The following RTBDN variants were observed in gnomAD, a reference collection of about 807,000 sequenced individuals.
The protein encoded by RTBDN is retbindin.
Under a neutral mutation model 21.9 loss-of-function variants are expected in RTBDN, and 24 were observed. The ratio of observed to expected loss-of-function variants is 1.10; its 90% CI spans 0.79 to 1.54. The LOEUF is 1.54. Ranked by LOEUF, RTBDN falls within the 40% of genes most tolerant of loss-of-function variation. RTBDN has a pLI of 0.00. For missense variants in RTBDN, 325 were observed against 315.2 expected (o/e 1.03, Z -0.23); for synonymous variants, 141 against 125.9 (o/e 1.12, Z -0.80).
intron 2 of RTBDN, 91 bp from the exon 3 acceptor site, chr19:12,829,044 A>C (rs10423639): frequency 0.048 from 74,171 of 1,561,068 alleles, 2,208 homozygotes; most frequent in African/African-American, 0.12. Flanking sequence ...CAGGGGAGAC[A>C]ACAATTACAT....
In RTBDN at chr19:12,826,823, T is replaced by G; in HGVS notation, c.414A>C (p.Pro138=). ...GCTCACAGCCCCTTTTTTCTGAGAG[T>G]GGGAGCCAAGTCGGGCCGCAGGTGA... ...DDITCGPTWL[P]LSEKRGCEPS... is the part of the protein sequence containing the mutation. The change falls in exon 5 of 6, where the codon CCA becomes CCC. Residue 138 remains proline, a synonymous_variant. Coordinates refer to ENST00000674343, the MANE Select transcript of RTBDN (RefSeq NM_001270441.2). 1 of 1,555,342 alleles carries G rather than the reference T, an allele frequency of 6.4e-7. No individual in the cohort carries two copies. The highest frequency in any genetic ancestry group is 2.0e-4 in the Middle Eastern group (1 of 5,110).
intron 4 of RTBDN, 54 bp from the exon 5 acceptor site, chr19:12,826,925 C>T (rs10407849): frequency 4.7e-6 from 6 of 1,265,010 alleles, no homozygotes; most frequent in African/African-American, 4.5e-5. Flanking sequence ...CATTCCAGCG[C>T]GATTCTGGCT....
intron 4 of RTBDN, 69 bp downstream of exon 4, chr19:12,828,588 C>G (rs1486577785): frequency 2.4e-6 from 3 of 1,248,156 alleles, no homozygotes; most frequent in African/African-American, 3.0e-5. Flanking sequence ...GAAGGCCAAG[C>G]AAACTGCAGG....
chr19:12,828,093 CA>C (rs61021695), intron 4 of RTBDN, among the ~76,000 whole-genome samples: 132 of 125,156 alleles, frequency 1.1e-3, no homozygotes, highest in Admixed American at 1.2e-3. Context: ...AACTCCATCT[CA>C]AAAAAAAAAA....
At chr19:12,833,837 A>T (rs919066058) in intron 1 of RTBDN, 1 of 94,666 alleles carries the variant, frequency 1.1e-5, no homozygotes, top group Non-Finnish European at 2.1e-5. Flanking sequence ...CGCCCCCGCC[A>T]CCCCTCCCCT....
Position 12,830,078 on chromosome 19 carries a change from G to T in RTBDN, c.-18-81C>A. 1.4e-6 allele frequency: 2 copies of T among 1,476,942 alleles called. No individual in the cohort carries two copies. The highest frequency in any genetic ancestry group is 1.3e-5 in the South Asian group (1 of 78,406). 91.5% of individuals were successfully genotyped at this position (1,476,942 alleles called of 1,614,324 possible). ...CCACCCAGTGCATACCCAAGAAGCA[G>T]TGCCAGGCAGAGTAGGGAAAGTGCA... is the stretch of plus-strand genomic sequence containing the variant. On this transcript the variant is annotated intron_variant, in intron 1 of 5. Transcript: ENST00000674343. The surrounding 1 kb of genome is among the most constrained non-coding windows in gnomAD (Gnocchi z 4.2).
At chr19:12,826,696 G>GAAAT (rs149645338) in intron 5 of RTBDN, 79 bp downstream of exon 5, 32,824 of 1,038,536 alleles carry the variant, frequency 0.032, 617 homozygotes, top group African/African-American at 0.054. Context: ...CTCCGTCTCA[G>GAAAT]AAATAAATAA....
chr19:12,831,745 C>T (rs943859517), intron 1 of RTBDN, among the ~76,000 whole-genome samples: 21 of 152,078 alleles, frequency 1.4e-4, no homozygotes, highest in African/African-American at 4.8e-4. Flanking sequence ...ATAAAAGACA[C>T]AAAAATCTCA....
In RTBDN at chr19:12,829,854, A is replaced by G. The variant is rs1043592446; in HGVS notation, c.126T>C (p.His42=). 8 of 1,613,896 alleles carry G rather than the reference A, an allele frequency of 5.0e-6. No individual in the cohort carries two copies. The Middle Eastern group carries it at 6.6e-4, about 133-fold the overall frequency. ...RPLQARSQQH[H]GLAADLGKGK... ...CTTTGCCCAGATCAGCTGCCAGCCCATGGTGTTGCTGGGACCTGGCTTGGA... is the reference window on the plus strand; with the variant it reads ...CTTTGCCCAGATCAGCTGCCAGCCCGTGGTGTTGCTGGGACCTGGCTTGGA... Residue 42 remains histidine (H), a synonymous_variant, in exon 2 of 6, where the codon CAT becomes CAC. Transcript: ENST00000674343.
At position 12,829,877 on chromosome 19, in the gene RTBDN, G is replaced by A. The variant is rs935137640; in HGVS notation, c.103C>T (p.Gln35Ter). 13 of 1,614,188 alleles carry A rather than the reference G, an allele frequency of 8.1e-6. No homozygotes were observed. Among genetic ancestry groups the A allele is most frequent in the Non-Finnish European group, 1.1e-5 (13 of 1,180,032 alleles). ...CCATGGTGTTGCTGGGACCTGGCTT[G>A]GAGTGGGCGGCTCCCTCCACAGGCT... ...LEACGGSRPL[Q>*]ARSQQHHGLA... The change falls in exon 2 of 6, where the codon CAA (glutamine) becomes TAA (stop). Residue 35 changes from glutamine to a stop codon, truncating the protein, a stop_gained. Coordinates refer to ENST00000674343, the MANE Select transcript of RTBDN (RefSeq NM_001270441.2). LOFTEE classifies it high-confidence loss of function.
At chr19:12,828,603 G>A (rs567040257) in intron 4 of RTBDN, 54 bp downstream of exon 4, 25 of 1,401,120 alleles carry the variant, frequency 1.8e-5, no homozygotes, top group South Asian at 2.5e-5. Context: ...TGCAGGCTCC[G>A]CCCTCTTCCC....
chr19:12,829,008 G>A (rs1271818319), intron 2 of RTBDN, 55 bp from the exon 3 acceptor site: 1 of 1,606,740 alleles, frequency 6.2e-7, no homozygotes, highest in South Asian at 1.1e-5. Flanking sequence ...TAAGGTTTGG[G>A]AACTGAGGCC....
At chr19:12,835,415 G>A, upstream of RTBDN, 1 of 352,172 alleles carries the variant, frequency 2.8e-6, no homozygotes, top group Non-Finnish European at 5.3e-6. Context: ...TTGGGTCCGC[G>A]CCGTCGGGTT....
At chr19:12,832,431 T>C (rs1478316759) in intron 1 of RTBDN, 2 of 152,240 alleles carry the variant, frequency 1.3e-5, no homozygotes, top group East Asian at 3.8e-4. Context: ...CTGGTCCATC[T>C]TGAGGTGGTC....
upstream of RTBDN, chr19:12,834,678 G>T (rs1969696504): frequency 6.5e-7 from 1 of 1,546,310 alleles, no homozygotes; most frequent in Non-Finnish European, 8.9e-7. The surrounding 1 kb of genome is among the most constrained non-coding windows in gnomAD (Gnocchi z 4.7). Context: ...TGGTCTCGAG[G>T]CTGCGCAGGC....
intron 5 of RTBDN, chr19:12,826,230 A>G (rs1247084030): frequency 1.5e-6 from 2 of 1,302,454 alleles, no homozygotes; most frequent in East Asian, 3.6e-5. Context: ...TCCAGGGTAA[A>G]ATGTGGATGG....
chr19:12,829,748 G>T, intron 2 of RTBDN, 63 bp downstream of exon 2: 1 of 1,532,076 alleles, frequency 6.5e-7, no homozygotes, highest in Non-Finnish European at 8.9e-7. Flanking sequence ...TTCTAACATT[G>T]TCATGGCAGG....
rs550172740 is a variant in RTBDN, at chr19:12,831,801, A to G, written c.-18-1804T>C. Among the ~76,000 whole-genome samples, 7 of 152,340 alleles carry G rather than the reference A, an allele frequency of 4.6e-5. No individual in the cohort carries two copies. In the East Asian group the frequency reaches 1.2e-3, roughly 25 times the overall value. ...CTAGGGGGAGAATCAGATGAGAAAA[A>G]CATCCCTGCAGAGGGTATGGGTGTG... On this transcript the variant is annotated intron_variant, in intron 1 of 5. Coordinates refer to ENST00000674343, the MANE Select transcript of RTBDN (RefSeq NM_001270441.2).
At chr19:12,833,749 G>A (rs1484529735) in intron 1 of RTBDN, among the ~76,000 whole-genome samples, 3 of 49,226 alleles carry the variant, frequency 6.1e-5, no homozygotes. Flanking sequence ...CCGCCAGCGC[G>A]GGCAGCGGTG....
Sources: allele counts gnomAD v4.1 joint callset (sites outside exome capture counted in the v4.1 genomes callset), GRCh38; gene constraint gnomAD v4.1.1; non-coding constraint Gnocchi (gnomAD v3.1); transcripts MANE v1.5; gene names NCBI Gene and HGNC (gene_info 2026-07-23, HGNC 2026-07-21).